The following SLC25A51 variants were observed in gnomAD, a reference collection of about 807,000 sequenced individuals.
SLC25A51 encodes the protein solute carrier family 25 member 51.
Under a neutral mutation model 19.1 loss-of-function variants are expected in SLC25A51, and 11 were observed. That is an observed-to-expected ratio of 0.58 (90% confidence interval 0.36 to 0.96). The LOEUF is 0.96. Among genes scored for constraint, SLC25A51 ranks in the 40% least tolerant of loss-of-function variants. SLC25A51 has a pLI of 0.01. For missense variants in SLC25A51, 201 were observed against 365.4 expected, an observed-to-expected ratio of 0.55 and a Z score of 3.67; for synonymous variants, 105 against 133.6, an observed-to-expected ratio of 0.79 and a Z score of 1.47.
At chr9:37,891,647 C>G (rs1048859246) in intron 2 of SLC25A51, among the ~76,000 whole-genome samples, 47 of 151,996 alleles carry the variant, frequency 3.1e-4, no homozygotes, top group Non-Finnish European at 5.1e-4. Flanking sequence ...TAAACAGATG[C>G]TTGAAGGCAG....
rs148336787 is a variant in SLC25A51, at chr9:37,898,101, T to C, written c.-43+1728A>G. Among the ~76,000 whole-genome samples the C allele has an allele frequency of 4.5e-3, 684 of 152,306 alleles. 8 individuals carry two copies. The highest frequency in any genetic ancestry group is 0.016 in the African/African-American group (663 of 41,562). Reference sequence around the variant, plus strand: ...CTGCCCCCAACTATTAACTATGAAATTGTGCTTCCCATTAAAAATGGATTC... The same window carrying C: ...CTGCCCCCAACTATTAACTATGAAACTGTGCTTCCCATTAAAAATGGATTC... On this transcript the variant is annotated intron_variant, in intron 2 of 2. Transcript: ENST00000242275.
chr9:37,903,268 G>A (rs1467317891), intron 1 of SLC25A51, among the ~76,000 whole-genome samples: 1 of 152,116 alleles, frequency 6.6e-6, no homozygotes, highest in Admixed American at 6.5e-5. Flanking sequence ...AAGGGCTTCT[G>A]TTTCAGAGAT....
chr9:37,899,379 AT>A (rs968683231), intron 2 of SLC25A51, among the ~76,000 whole-genome samples: 12 of 149,458 alleles, frequency 8.0e-5, no homozygotes, highest in African/African-American at 2.0e-4. Context: ...TCATGTTGTC[AT>A]TTTTTTTTTC....
intron 1 of SLC25A51, among the ~76,000 whole-genome samples, chr9:37,900,445 T>C (rs925827008): frequency 6.8e-6 from 1 of 147,706 alleles, no homozygotes; most frequent in Admixed American, 6.7e-5. Flanking sequence ...CAAGACTCTA[T>C]CCAGAAAAAA....
downstream of SLC25A51, chr9:37,878,019 A>G (rs1172833865): frequency 6.6e-6 from 1 of 152,260 alleles, no homozygotes; most frequent in Non-Finnish European, 1.5e-5. Flanking sequence ...ATAAATAAAT[A>G]AATAAATAAA....
At chr9:37,892,526 A>ATT (rs1211623815) in intron 2 of SLC25A51, among the ~76,000 whole-genome samples, 2 of 152,078 alleles carry the variant, frequency 1.3e-5, no homozygotes, top group East Asian at 1.9e-4. Flanking sequence ...ACAATACTAC[A>ATT]TTATATATAT....
chr9:37,897,659 T>C (rs1176221239), intron 2 of SLC25A51, among the ~76,000 whole-genome samples: 2 of 150,872 alleles, frequency 1.3e-5, no homozygotes, highest in South Asian at 2.1e-4. Flanking sequence ...ATAATCCCTA[T>C]ATATAATTAC....
At chr9:37,900,435 C>G (rs1831821942) in intron 1 of SLC25A51, among the ~76,000 whole-genome samples, 1 of 149,214 alleles carries the variant, frequency 6.7e-6, no homozygotes, top group Non-Finnish European at 1.5e-5. Flanking sequence ...GGCGACACAG[C>G]AAGACTCTAT....
chr9:37,878,769 A>C (rs1298108871), downstream of SLC25A51: 1 of 158,554 alleles, frequency 6.3e-6, no homozygotes, highest in African/African-American at 2.4e-5. Flanking sequence ...GAGCAAAGCC[A>C]ATAGAAAGAC....
In SLC25A51 at chr9:37,899,924, T is replaced by C. The variant is rs1831807053; in HGVS notation, c.-138A>G. Reference sequence around the variant, plus strand: ...TATTGTTCTGTTAGGTTCTCTCTTCTTGAGTCAATTTTGATAACTGGATTT... The same window carrying C: ...TATTGTTCTGTTAGGTTCTCTCTTCCTGAGTCAATTTTGATAACTGGATTT... On this transcript the variant is annotated 5_prime_UTR_variant, in exon 2 of 3. Transcript: ENST00000242275. 1 of 159,074 alleles carries C rather than the reference T, an allele frequency of 6.3e-6. No individual in the cohort carries two copies. The highest frequency in any genetic ancestry group is 6.6e-5 in the Admixed American group (1 of 15,146). The allele number at this position is 159,074 out of a possible 1,614,324, so 9.9% of individuals were successfully genotyped here. A position where few individuals can be genotyped will look rare whatever the true frequency, so the allele number is the denominator to read the frequency against.
At chr9:37,903,954 G>A (rs1332272222) in intron 1 of SLC25A51, 114 bp downstream of exon 1, 2 of 152,480 alleles carry the variant, frequency 1.3e-5, no homozygotes, top group South Asian at 2.1e-4. Context: ...GCAGAAGACA[G>A]GGATGGGCCC....
rs766485848 is a variant in SLC25A51 at position 37,888,066 on chromosome 9, T to G, written c.485A>C (p.Lys162Thr). 2 of 1,613,728 alleles carry G rather than the reference T, an allele frequency of 1.2e-6. No individual in the cohort carries two copies. The highest frequency in any genetic ancestry group is 3.3e-5 in the Admixed American group (2 of 59,996). The change falls in exon 3 of 3, where the codon AAG (lysine) becomes ACG (threonine). Residue 162 changes from lysine to threonine, a missense_variant. Coordinates refer to ENST00000242275, the MANE Select transcript of SLC25A51 (RefSeq NM_033412.4). ...DKFTNTYQAF[K>T]ALKCHGIGEY... ...TCCAATTCCATGACATTTCAGTGCC[T>G]TGAAAGCCTGGTAAGTGTTGGTAAA...
In SLC25A51 at chr9:37,887,718, C is replaced by T. The variant is rs1180239894; in HGVS notation, c.833G>A (p.Arg278Gln). 3 of 1,613,744 alleles carry T rather than the reference C, an allele frequency of 1.9e-6. No individual in the cohort carries two copies. Among genetic ancestry groups the T allele is most frequent in the South Asian group, 1.1e-5 (1 of 91,066 alleles). ...GATTATGCCCCAAGAGATGAGGGACCGATGGTAATTCAGATGGGCACCTCT... is the reference window on the plus strand; with the variant it reads ...GATTATGCCCCAAGAGATGAGGGACTGATGGTAATTCAGATGGGCACCTCT... ...LFRGAHLNYHRSLISWGIINA... is the reference protein window; with the variant it reads ...LFRGAHLNYHQSLISWGIINA... Residue 278 changes from arginine to glutamine, a missense_variant, in exon 3 of 3, where the codon CGG (arginine) becomes CAG (glutamine). Physicochemically the swap from Arg to Gln is conservative, Grantham distance 43 (BLOSUM62 1). Coordinates refer to ENST00000242275, the MANE Select transcript of SLC25A51 (RefSeq NM_033412.4).
chr9:37,886,127 A>C (rs1330166510), downstream of SLC25A51: 3 of 1,440,760 alleles, frequency 2.1e-6, no homozygotes, highest in African/African-American at 2.8e-5. Flanking sequence ...CAAAGTGAGC[A>C]CATCACCCCT....
At chr9:37,879,085 C>A, downstream of SLC25A51, 2 of 357,086 alleles carry the variant, frequency 5.6e-6, no homozygotes, top group South Asian at 5.0e-5. Flanking sequence ...TGAAAAAAAT[C>A]AAGGCCTGTG....
intron 1 of SLC25A51, 120 bp downstream of exon 1, chr9:37,903,948 A>G (rs1831915909): frequency 6.6e-6 from 1 of 152,344 alleles, no homozygotes; most frequent in Non-Finnish European, 1.5e-5. Flanking sequence ...GAGCGCGCAG[A>G]AGACAGGGAT....
chr9:37,880,966 T>A (rs1285683531), intron 3 of SLC25A51, among the ~76,000 whole-genome samples: 1 of 152,142 alleles, frequency 6.6e-6, no homozygotes, highest in African/African-American at 2.4e-5. Context: ...CAAATCTAAA[T>A]GTACAAGTTC....
downstream of SLC25A51, among the ~76,000 whole-genome samples, chr9:37,887,335 A>C (rs2118313295): frequency 6.6e-6 from 1 of 151,222 alleles, no homozygotes; most frequent in Admixed American, 6.6e-5. Context: ...AAAAAAAAGT[A>C]TAAGCCTAAC....
intron 2 of SLC25A51, among the ~76,000 whole-genome samples, chr9:37,898,468 T>C (rs540503028): frequency 3.9e-5 from 6 of 152,204 alleles, no homozygotes; most frequent in South Asian, 4.1e-4. Context: ...GGCAGGAGAA[T>C]TGCTTGAACC....
Sources: allele counts gnomAD v4.1 joint callset (sites outside exome capture counted in the v4.1 genomes callset), GRCh38; gene constraint gnomAD v4.1.1; transcripts MANE v1.5; gene names NCBI Gene and HGNC (gene_info 2026-07-23, HGNC 2026-07-21).